The following VRK3 variants were observed in gnomAD, a reference collection of about 807,000 sequenced individuals.
The protein encoded by VRK3 is VRK serine/threonine kinase 3.
VRK3 carries 50 observed loss-of-function variants against 60.4 expected under a neutral mutation model. The ratio of observed to expected loss-of-function variants is 0.83; its 90% CI spans 0.66 to 1.05. VRK3 has a LOEUF of 1.05. Ranked by LOEUF, VRK3 falls within the 50% of genes least tolerant of loss-of-function variation. The pLI is 0.00. For synonymous variants in VRK3, 246 were observed against 227.8 expected (o/e 1.08, Z -0.72); for missense variants, 549 against 585.3 (o/e 0.94, Z 0.64).
intron 5 of VRK3, among the ~76,000 whole-genome samples, chr19:50,006,338 A>T (rs1333833688): frequency 6.7e-6 from 1 of 149,602 alleles, no homozygotes; most frequent in Non-Finnish European, 1.5e-5. Context: ...AAATAATAAT[A>T]ATAAAAGAAT....
At chr19:49,981,420 C>G (rs559209333) in intron 12 of VRK3, among the ~76,000 whole-genome samples, 1 of 152,138 alleles carries the variant, frequency 6.6e-6, no homozygotes, top group Non-Finnish European at 1.5e-5. Flanking sequence ...TGGCGGGTGC[C>G]TGTGGTCCCA....
chr19:49,981,389 T>TA (rs1464050446), intron 12 of VRK3, among the ~76,000 whole-genome samples: 2 of 151,882 alleles, frequency 1.3e-5, no homozygotes, highest in South Asian at 2.1e-4. Flanking sequence ...ACTAAAAATA[T>TA]AAAAAACTAG....
Position 49,977,970 on chromosome 19 carries a change from G to A in VRK3, c.*11+1113C>T, listed in dbSNP as rs1050384108. On this transcript the variant is annotated intron_variant, in intron 14 of 14. Coordinates refer to ENST00000316763, the MANE Select transcript of VRK3 (RefSeq NM_016440.4). ...GTTTCAGCCTCAGATGTAAGGAAAC[G>A]TTGTGGGAATGCAGAAGCACTTGTA... Among the ~76,000 whole-genome samples the A allele has an allele frequency of 6.6e-5, 10 of 152,308 alleles. No homozygotes were observed. The South Asian group carries it at 8.3e-4, about 13-fold the overall frequency.
At chr19:50,006,044 G>C (rs962613611) in intron 5 of VRK3, among the ~76,000 whole-genome samples, 2 of 149,136 alleles carry the variant, frequency 1.3e-5, no homozygotes, top group African/African-American at 5.2e-5. Context: ...CCAGCACTTT[G>C]GGAGGCTGAG....
intron 6 of VRK3, 195 bp downstream of exon 6, chr19:50,000,595 C>T: frequency 1.6e-6 from 1 of 631,312 alleles, no homozygotes; most frequent in East Asian, 2.9e-5. Flanking sequence ...TGGGTGGATC[C>T]AACTGTGGGT....
chr19:49,979,193 C>A lies in VRK3; in HGVS notation c.1326G>T (p.Glu442Asp). 1 of 1,614,088 alleles carries A rather than the reference C, an allele frequency of 6.2e-7. No individual in the cohort carries two copies. The highest frequency in any genetic ancestry group is 8.5e-7 in the Non-Finnish European group (1 of 1,180,014). Reference sequence around the variant, plus strand: ...TCCTCAGCATGGCGTAGGGCGGCTTCTCCTCATACGTGAGGGCCATCACCA... The same window carrying A: ...TCCTCAGCATGGCGTAGGGCGGCTTATCCTCATACGTGAGGGCCATCACCA... ...LKVVMALTYE[E>D]KPPYAMLRNN... is the part of the protein sequence containing the mutation. Residue 442 changes from glutamate (E) to aspartate (D), a missense_variant, in exon 14 of 15, where the codon GAG becomes GAT. Physicochemically the swap from Glu to Asp is conservative, Grantham distance 45. Transcript: ENST00000316763.
rs763011418 is a variant in VRK3 at position 50,007,805 on chromosome 19, G to A, written c.311C>T (p.Thr104Ile). Residue 104 changes from threonine to isoleucine, a missense_variant, in exon 5 of 15, where the codon ACC becomes ATC. Thr to Ile is a moderately conservative substitution (Grantham distance 89). Coordinates refer to ENST00000316763, the MANE Select transcript of VRK3 (RefSeq NM_016440.4). ...RSKGSGSRPP[T>I]PKSSPQKTRK... Reference sequence around the variant, plus strand: ...GGTCTTCTGAGGGCTGCTTTTGGGGGTTGGGGGTCTGCTCCCGGAGCCTGC... The same window carrying A: ...GGTCTTCTGAGGGCTGCTTTTGGGGATTGGGGGTCTGCTCCCGGAGCCTGC... 6.2e-7 allele frequency: 1 copy of A among 1,614,202 alleles called. No individual in the cohort carries two copies. Among genetic ancestry groups the A allele is most frequent in the South Asian group, 1.1e-5 (1 of 91,086 alleles).
chr19:50,005,681 C>G (rs2122376236), intron 5 of VRK3, among the ~76,000 whole-genome samples: 1 of 149,992 alleles, frequency 6.7e-6, no homozygotes, highest in Middle Eastern at 3.4e-3. Context: ...AGCAGAATAT[C>G]ACGCAGCCAT....
In VRK3 at chr19:50,014,873, G is replaced by A. The variant is rs533427967; in HGVS notation, c.139+1151C>T. Among the ~76,000 whole-genome samples, 10 of 152,320 alleles carry A rather than the reference G, an allele frequency of 6.6e-5. 1 individual carries two copies. In the South Asian group the frequency reaches 2.1e-3, roughly 32 times the overall value. ...ATCTCTCTGGTGGCTGCGTGAAGAC[G>A]ACTACAGGGACAAGAGAGGGGAGCA... On this transcript the variant is annotated intron_variant, in intron 3 of 14. Transcript: ENST00000316763.
rs771621544 is a variant in VRK3 at position 49,979,097 on chromosome 19, G to A, written c.1422C>T (p.Pro474=). 6.2e-6 allele frequency: 10 copies of A among 1,606,870 alleles called. No individual in the cohort carries two copies. The highest frequency in any genetic ancestry group is 1.7e-4 in the Middle Eastern group (1 of 6,030). The change falls in exon 14 of 15, where the codon CCC becomes CCT. Residue 474 remains proline (P), a synonymous_variant. Transcript: ENST00000316763. ...PYDPIGLPMV[P] is the part of the protein sequence containing the mutation. ...GCTCTTCCCACCTGGATTCCACCTA[G>A]GGCACCATCGGGAGGCCAATGGGGT...
intron 13 of VRK3, among the ~76,000 whole-genome samples, chr19:49,979,824 A>G (rs939962999): frequency 6.6e-6 from 1 of 151,912 alleles, no homozygotes; most frequent in African/African-American, 2.4e-5. Context: ...CGGGTGGATC[A>G]TGAAGTCAGG....
At position 50,000,824 on chromosome 19, in the gene VRK3, G is replaced by C. The variant is rs1364036839; in HGVS notation, c.578C>G (p.Ser193Ter). 2 of 1,613,880 alleles carry C rather than the reference G, an allele frequency of 1.2e-6. No homozygotes were observed. The highest frequency in any genetic ancestry group is 2.7e-5 in the African/African-American group (2 of 74,920). The change falls in exon 6 of 15, where the codon TCA (serine) becomes TGA (stop). Residue 193 changes from serine to a stop codon, truncating the protein, a stop_gained. Coordinates refer to ENST00000316763, the MANE Select transcript of VRK3 (RefSeq NM_016440.4). LOFTEE classifies it high-confidence loss of function. ...TGAGAACTTTTGCTTCTGTGGTCCT[G>C]AGTCACAGGTGAGGGTGGAGGTGGG... ...AAPTSTLTCD[S>*]GPQKQKFSLK...
At chr19:50,000,695 G>A (rs2076788789) in intron 6 of VRK3, 95 bp downstream of exon 6, 1 of 1,447,884 alleles carries the variant, frequency 6.9e-7, no homozygotes, top group Non-Finnish European at 9.5e-7. Flanking sequence ...GCCCCCGGCC[G>A]AGCTCTCCCA....
chr19:49,997,423 C>T, intron 7 of VRK3, 81 bp downstream of exon 7: 1 of 1,497,850 alleles, frequency 6.7e-7, no homozygotes, highest in Non-Finnish European at 9.2e-7. Context: ...CCTTCTCATG[C>T]CTGCAGGTAG....
In VRK3 at chr19:49,989,698, CTGCCTT is replaced by C. The variant is rs2076577424; in HGVS notation, c.1031_1036del (p.Glu344_Ser346delinsGly). On this transcript the variant is annotated inframe_deletion, in exon 11 of 15. Coordinates refer to ENST00000316763, the MANE Select transcript of VRK3 (RefSeq NM_016440.4). ...AAGGTCCCCCTCGTGAGGGCTCCTG[CTGCCTT>C]CCACGTAGGCCACGTGTTTGCCACT... is the stretch of plus-strand genomic sequence containing the variant. The C allele has an allele frequency of 6.2e-7, 1 of 1,613,846 alleles. No individual in the cohort carries two copies. Among genetic ancestry groups the C allele is most frequent in the Non-Finnish European group, 8.5e-7 (1 of 1,179,878 alleles).
chr19:50,015,857 G>A (rs1026350227), intron 3 of VRK3, 167 bp downstream of exon 3: 17 of 829,790 alleles, frequency 2.0e-5, no homozygotes, highest in African/African-American at 6.9e-5. Flanking sequence ...AGGCCAATAA[G>A]AGGCCAAGAG....
chr19:49,992,076 G>A (rs1487785782), intron 10 of VRK3, among the ~76,000 whole-genome samples: 1 of 152,176 alleles, frequency 6.6e-6, no homozygotes, highest in Non-Finnish European at 1.5e-5. Flanking sequence ...TATATAGGTA[G>A]GACACCTTCC....
rs548447950 is a variant in VRK3, at chr19:49,979,361, A to G, written c.1277-119T>C. 49 of 1,396,560 alleles carry G rather than the reference A, an allele frequency of 3.5e-5. 1 individual carries two copies. The African/African-American group carries it at 6.5e-4, about 19-fold the overall frequency. The allele number at this position is 1,396,560 out of a possible 1,614,324, so 86.5% of individuals were successfully genotyped here. ...GACTGAGGGGCATGAGGGTCTCAGC[A>G]AAAGTGCCCATTTTCTTGTTGCCTG... On this transcript the variant is annotated intron_variant, in intron 13 of 14. Coordinates refer to ENST00000316763, the MANE Select transcript of VRK3 (RefSeq NM_016440.4).
chr19:50,016,083 G>A lies in VRK3; in HGVS notation c.80C>T (p.Pro27Leu). Residue 27 changes from proline (P) to leucine (L), a missense_variant, in exon 3 of 15, where the codon CCT becomes CTT. By Grantham distance (98) the Pro-to-Leu change is moderately conservative (BLOSUM62 -3). Coordinates refer to ENST00000316763, the MANE Select transcript of VRK3 (RefSeq NM_016440.4). ...KFCPYCGNSL[P>L]VEEHVGSQTF... ...CTGGGACCCTACATGCTCCTCTACA[G>A]GCAAAGAATTTCCACAGTAGGGGCA... 3 of 1,614,182 alleles carry A rather than the reference G, an allele frequency of 1.9e-6. No individual in the cohort carries two copies. Among genetic ancestry groups the A allele is most frequent in the Non-Finnish European group, 2.5e-6 (3 of 1,180,046 alleles).
Sources: allele counts gnomAD v4.1 joint callset (sites outside exome capture counted in the v4.1 genomes callset), GRCh38; gene constraint gnomAD v4.1.1; transcripts MANE v1.5; gene names NCBI Gene and HGNC (gene_info 2026-07-23, HGNC 2026-07-21).